Variants in METTL15 observed in about 807,000 individuals in gnomAD.
METTL15 encodes the protein 12S rRNA N(4)-cytidine methyltransferase METTL15.
METTL15 carries 34 observed loss-of-function variants against 38.3 expected under a neutral mutation model. The observed-to-expected ratio is 0.89, with a 90% CI of 0.68 to 1.18. The LOEUF (loss-of-function observed/expected upper bound fraction) is 1.18, where lower values mean the gene tolerates loss of function less well. Among genes scored for constraint, METTL15 ranks in the 50% most tolerant of loss-of-function variants. The probability of loss-of-function intolerance (pLI) is 0.00; values close to 1 mark genes in which losing one functional copy is unlikely to be tolerated. For synonymous variants in METTL15, 162 were observed against 170.9 expected, an observed-to-expected ratio of 0.95 and a Z score of 0.41; for missense variants, 438 against 498.4, an observed-to-expected ratio of 0.88 and a Z score of 1.15.
At chr11:28,225,125 A>G (rs1183103727) in intron 4 of METTL15, among the ~76,000 whole-genome samples, 3 of 151,770 alleles carry the variant, frequency 2.0e-5, no homozygotes, top group Non-Finnish European at 3.0e-5. Flanking sequence ...TTCTTCTGCT[A>G]TCTTACTTCT....
chr11:28,166,521 AT>A (rs2133753352), intron 3 of METTL15, among the ~76,000 whole-genome samples: 1 of 152,314 alleles, frequency 6.6e-6, no homozygotes, highest in South Asian at 2.1e-4. Context: ...CATTTTTGAT[AT>A]TATGAGCCAT....
chr11:28,122,038 TATG>T (rs1192381718), intron 3 of METTL15: 6 of 583,906 alleles, frequency 1.0e-5, no homozygotes, highest in Non-Finnish European at 1.4e-5. Context: ...ATAAATTGTA[TATG>T]ATATTTTTAG....
chr11:28,122,329 G>GTATA (rs201919374), intron 3 of METTL15: 10 of 160,914 alleles, frequency 6.2e-5, no homozygotes, highest in African/African-American at 4.6e-4. Flanking sequence ...ATAGATGTGT[G>GTATA]TATATGTGTG....
intron 3 of METTL15, among the ~76,000 whole-genome samples, chr11:28,207,382 T>A (rs1016129168): frequency 2.2e-4 from 34 of 152,238 alleles, no homozygotes; most frequent in African/African-American, 7.5e-4. Context: ...GGTTTTTGTC[T>A]TTGGTTCTGT....
At chr11:28,230,263 C>A (rs1247057094) in intron 4 of METTL15, among the ~76,000 whole-genome samples, 1 of 151,832 alleles carries the variant, frequency 6.6e-6, no homozygotes, top group Non-Finnish European at 1.5e-5. Context: ...ATAATTAACA[C>A]CTCTGCATCC....
chr11:28,529,967 G>A (rs1251222694), downstream of METTL15, among the ~76,000 whole-genome samples: 2 of 152,090 alleles, frequency 1.3e-5, no homozygotes, highest in South Asian at 2.1e-4. Flanking sequence ...GGGATAAAAG[G>A]CAAGCTGGGG....
chr11:28,264,087 C>T (rs994851982), intron 4 of METTL15, among the ~76,000 whole-genome samples: 1 of 152,090 alleles, frequency 6.6e-6, no homozygotes. Flanking sequence ...GCCTGTCACA[C>T]AGCTTGTTGA....
intron 6 of METTL15, among the ~76,000 whole-genome samples, chr11:28,433,163 G>GTTTTTTTTTTT (rs1209820099): frequency 3.2e-5 from 3 of 93,764 alleles, no homozygotes; most frequent in Non-Finnish European, 5.7e-5. Context: ...GTTTTGTTTT[G>GTTTTTTTTTTT]TTTTTTTTGT....
chr11:28,462,955 G>A (rs1220031781), intron 6 of METTL15, among the ~76,000 whole-genome samples: 1 of 152,066 alleles, frequency 6.6e-6, no homozygotes, highest in African/African-American at 2.4e-5. Context: ...AAGACTTCAT[G>A]GCCCATTGTT....
chr11:28,430,061 A>C (rs1301708885), intron 6 of METTL15, among the ~76,000 whole-genome samples: 1 of 144,818 alleles, frequency 6.9e-6, no homozygotes, highest in Non-Finnish European at 1.5e-5. Context: ...CCCATCTGGG[A>C]GGTGAGGAGC....
chr11:28,202,561 A>G (rs1436820968), intron 3 of METTL15, among the ~76,000 whole-genome samples: 6 of 152,214 alleles, frequency 3.9e-5, no homozygotes, highest in South Asian at 2.1e-4. Context: ...TGAATGCTCA[A>G]TAAATATACA....
At chr11:28,412,372 G>A (rs547111467) in intron 5 of METTL15, among the ~76,000 whole-genome samples, 15 of 151,296 alleles carry the variant, frequency 9.9e-5, no homozygotes, top group African/African-American at 3.6e-4. Flanking sequence ...TAAAGAAAAT[G>A]TTATATATAA....
intron 6 of METTL15, among the ~76,000 whole-genome samples, chr11:28,298,783 A>G (rs768823478): frequency 1.3e-5 from 2 of 152,110 alleles, no homozygotes; most frequent in Non-Finnish European, 2.9e-5. Context: ...TTTATGTCTT[A>G]AATATCAGTC....
intron 3 of METTL15, among the ~76,000 whole-genome samples, chr11:28,146,068 G>A (rs1849873390): frequency 6.6e-6 from 1 of 151,920 alleles, no homozygotes; most frequent in Admixed American, 6.6e-5. Context: ...AAAACAGCTA[G>A]CATATTTTAT....
chr11:28,149,362 G>T (rs1849999112), intron 3 of METTL15, among the ~76,000 whole-genome samples: 1 of 151,812 alleles, frequency 6.6e-6, no homozygotes, highest in Non-Finnish European at 1.5e-5. Context: ...GTGTGTGTTT[G>T]TGTGGCAGGG....
At chr11:28,390,742 G>A (rs2133393488) in intron 5 of METTL15, among the ~76,000 whole-genome samples, 1 of 152,222 alleles carries the variant, frequency 6.6e-6, no homozygotes, top group East Asian at 1.9e-4. Flanking sequence ...GCACTTTAAA[G>A]TAGTTTTTTC....
chr11:28,280,988 T>A (rs1856034021), intron 4 of METTL15, among the ~76,000 whole-genome samples: 1 of 152,180 alleles, frequency 6.6e-6, no homozygotes, highest in Non-Finnish European at 1.5e-5. Flanking sequence ...GTATGTCTGT[T>A]TCTATAACAT....
At chr11:28,440,844 C>A (rs140224109) in intron 6 of METTL15, among the ~76,000 whole-genome samples, 65 of 152,240 alleles carry the variant, frequency 4.3e-4, no homozygotes, top group Non-Finnish European at 6.8e-4. Context: ...ACTAAGGAAG[C>A]AATGAGGGGA....
At chr11:28,134,105 C>T (rs1228817587) in intron 3 of METTL15, among the ~76,000 whole-genome samples, 1 of 152,084 alleles carries the variant, frequency 6.6e-6, no homozygotes, top group Non-Finnish European at 1.5e-5. Flanking sequence ...TGAACTGGCC[C>T]TGTTGTTGAT....
Sources: gnomAD v4.1 joint callset for allele counts (sites outside exome capture counted in the v4.1 genomes callset) on GRCh38, gnomAD v4.1.1 for gene constraint, MANE v1.5 for transcripts, NCBI Gene and HGNC (gene_info 2026-07-23, HGNC 2026-07-21) for gene names.